The following HIVEP3 variants were observed in gnomAD, a reference collection of about 807,000 sequenced individuals.
The protein encoded by HIVEP3 is HIVEP zinc finger 3.
Under a neutral mutation model 152.8 loss-of-function variants are expected in HIVEP3, and 49 were observed. The ratio of observed to expected loss-of-function variants is 0.32; its 90% CI spans 0.26 to 0.41. HIVEP3 has a LOEUF of 0.41. Among genes scored for constraint, HIVEP3 ranks in the 10% least tolerant of loss-of-function variants. HIVEP3 has a pLI of 1.00. For synonymous variants in HIVEP3, 1,269 were observed against 1,289.0 expected (o/e 0.98, Z 0.33); for missense variants, 2,790 against 3,103.3 (o/e 0.90, Z 2.40).
At chr1:41,541,350 G>A (rs957881331) in intron 5 of HIVEP3, among the ~76,000 whole-genome samples, 2 of 152,124 alleles carry the variant, frequency 1.3e-5, no homozygotes, top group African/African-American at 2.4e-5. Context: ...TCCTTGCAGC[G>A]AGCTATTTAG....
At position 41,700,997 on chromosome 1, in the gene HIVEP3, T is replaced by C. The variant is rs1424137082; in HGVS notation, c.-800-2A>G. ...TGGAGAACTGTGTTGGAGGGAGGCC[T>C]GTGGGAAGTAGAGAAAGTGAGAATA... On this transcript the variant is annotated splice_acceptor_variant, in intron 1 of 8. Transcript: ENST00000372583. LOFTEE classifies it low-confidence loss of function (5UTR_SPLICE). 1.0e-6 allele frequency: 1 copy of C among 982,622 alleles called. No homozygotes were observed. Among genetic ancestry groups the C allele is most frequent in the Non-Finnish European group, 1.2e-6 (1 of 827,396 alleles). 60.9% of individuals were successfully genotyped at this position (982,622 alleles called of 1,614,324 possible).
chr1:41,995,476 C>A (rs1313876756), intron 1 of HIVEP3, among the ~76,000 whole-genome samples: 1 of 152,136 alleles, frequency 6.6e-6, no homozygotes, highest in Non-Finnish European at 1.5e-5. Context: ...TTGCTACCAG[C>A]AGACACTCTC....
intron 1 of HIVEP3, among the ~76,000 whole-genome samples, chr1:41,808,734 T>G (rs1650780809): frequency 6.6e-6 from 1 of 152,206 alleles, no homozygotes; most frequent in African/African-American, 2.4e-5. Flanking sequence ...GGGGTAGAAG[T>G]GAAATGGAAT....
intron 2 of HIVEP3, among the ~76,000 whole-genome samples, chr1:41,692,641 CAT>C (rs908383868): frequency 6.6e-6 from 1 of 152,208 alleles, no homozygotes. Flanking sequence ...CTTTATAGAA[CAT>C]AACTACTATG....
chr1:41,960,869 T>C (rs1645165952), intron 1 of HIVEP3, among the ~76,000 whole-genome samples: 1 of 152,184 alleles, frequency 6.6e-6, no homozygotes, highest in African/African-American at 2.4e-5. Flanking sequence ...CTGTGGCAGA[T>C]TGTTCTTTCC....
intron 1 of HIVEP3, among the ~76,000 whole-genome samples, chr1:42,008,438 A>G (rs1280505926): frequency 6.6e-6 from 1 of 152,198 alleles, no homozygotes; most frequent in Admixed American, 6.5e-5. Context: ...AGTTTCTGTA[A>G]TGGAATCACT....
chr1:41,551,990 A>T (rs1441564589), intron 5 of HIVEP3, among the ~76,000 whole-genome samples: 1 of 152,032 alleles, frequency 6.6e-6, no homozygotes, highest in Non-Finnish European at 1.5e-5. Context: ...TCGATTTTAG[A>T]TCTTTTCTGC....
At chr1:41,642,816 G>A (rs35274709) in intron 2 of HIVEP3, among the ~76,000 whole-genome samples, 17,823 of 152,118 alleles carry the variant, frequency 0.12, 1,754 homozygotes, top group East Asian at 0.46. Context: ...TGATCCTCTC[G>A]GTTCTTCTTG....
chr1:41,660,315 A>C (rs1246652747), intron 2 of HIVEP3, among the ~76,000 whole-genome samples: 1 of 152,256 alleles, frequency 6.6e-6, no homozygotes, highest in East Asian at 1.9e-4. Context: ...GTAACTGGTC[A>C]TCACTTAATT....
chr1:41,671,460 A>G (rs1195161624), intron 2 of HIVEP3, among the ~76,000 whole-genome samples: 1 of 152,200 alleles, frequency 6.6e-6, no homozygotes, highest in Non-Finnish European at 1.5e-5. Flanking sequence ...TGGTGTCCAG[A>G]TCAGAGCTGA....
chr1:41,583,612 G>A lies in HIVEP3; in HGVS notation c.1186C>T (p.Arg396Cys), dbSNP rs752581495. The change falls in exon 4 of 9, where the codon CGC becomes TGC. Residue 396 changes from arginine (R) to cysteine (C), a missense_variant. This residue lies in a region of HIVEP3 where 134 missense variants were observed against 242.5 expected (regional missense o/e 0.55). Coordinates refer to ENST00000372583, the MANE Select transcript of HIVEP3 (RefSeq NM_024503.5). The surrounding 1 kb of genome is among the most constrained non-coding windows in gnomAD (Gnocchi z 6.9). ...KGSTESGYFS[R>C]SESAEQQVSP... ...ACCTGCTGCTCTGCACTCTCGGAGC[G>A]AGAGAAATACCCAGACTCAGTACTC... 55 of 1,614,024 alleles carry A rather than the reference G, an allele frequency of 3.4e-5. No individual in the cohort carries two copies. The highest frequency in any genetic ancestry group is 3.8e-5 in the Non-Finnish European group (45 of 1,180,034).
At chr1:41,621,883 G>A (rs77324120) in intron 3 of HIVEP3, among the ~76,000 whole-genome samples, 3,555 of 152,210 alleles carry the variant, frequency 0.023, 151 homozygotes, top group African/African-American at 0.082. Flanking sequence ...ATCTCTGCAA[G>A]TCTCTTTCCC....
intron 1 of HIVEP3, among the ~76,000 whole-genome samples, chr1:41,871,668 T>C (rs920259435): frequency 6.6e-6 from 1 of 152,248 alleles, no homozygotes; most frequent in Admixed American, 6.5e-5. Context: ...GATAGCAGGA[T>C]AATTTCACTA....
chr1:41,685,387 G>C (rs1646099603), intron 2 of HIVEP3, among the ~76,000 whole-genome samples: 2 of 152,190 alleles, frequency 1.3e-5, no homozygotes, highest in South Asian at 4.1e-4. Context: ...AGCAAGGCGG[G>C]GAGGCTGCAG....
intron 1 of HIVEP3, among the ~76,000 whole-genome samples, chr1:41,856,966 C>T (rs997195117): frequency 6.6e-6 from 1 of 152,010 alleles, no homozygotes; most frequent in Non-Finnish European, 1.5e-5. Flanking sequence ...AAATAACCAC[C>T]TAGGGAGTCT....
intron 1 of HIVEP3, among the ~76,000 whole-genome samples, chr1:41,821,768 T>C (rs543540990): frequency 6.6e-6 from 1 of 152,354 alleles, no homozygotes; most frequent in East Asian, 1.9e-4. Flanking sequence ...TCTGGTCCTT[T>C]GGCTGCCTGA....
intron 1 of HIVEP3, among the ~76,000 whole-genome samples, chr1:41,862,748 C>G (rs1643903296): frequency 6.6e-6 from 1 of 152,186 alleles, no homozygotes; most frequent in African/African-American, 2.4e-5. Flanking sequence ...AATTGGAGGG[C>G]AGGTCAGAGA....
intron 1 of HIVEP3, among the ~76,000 whole-genome samples, chr1:41,752,601 G>A (rs966659092): frequency 7.2e-5 from 11 of 152,322 alleles, no homozygotes; most frequent in African/African-American, 2.4e-4. Context: ...TCCTGAACCC[G>A]GAGCATCAGC....
At chr1:41,936,070 G>T (rs955461564) in intron 1 of HIVEP3, among the ~76,000 whole-genome samples, 6 of 152,032 alleles carry the variant, frequency 3.9e-5, no homozygotes, top group Non-Finnish European at 7.4e-5. Flanking sequence ...CAAGTAAAAA[G>T]GAAGAGTGCT....
Sources: allele counts gnomAD v4.1 joint callset (sites outside exome capture counted in the v4.1 genomes callset), GRCh38; gene constraint gnomAD v4.1.1; regional missense constraint gnomAD v4.1.1; non-coding constraint Gnocchi (gnomAD v3.1); transcripts MANE v1.5; gene names NCBI Gene and HGNC (gene_info 2026-07-23, HGNC 2026-07-21).